PCSK6: variants seen among roughly 807,000 people sequenced by gnomAD.
The protein encoded by PCSK6 is proprotein convertase subtilisin/kexin type 6, also known as paired basic amino acid cleaving enzyme 4.
PCSK6 carries 85 observed loss-of-function variants against 123.3 expected under a neutral mutation model. The ratio of observed to expected loss-of-function variants is 0.69; its 90% CI spans 0.58 to 0.83. The LOEUF (loss-of-function observed/expected upper bound fraction) is 0.83, where lower values mean the gene tolerates loss of function less well. PCSK6 is among the 40% of genes least tolerant of loss of function. The pLI is 0.00. For missense variants in PCSK6, 1,191 were observed against 1,282.3 expected, an observed-to-expected ratio of 0.93 and a Z score of 1.09; for synonymous variants, 508 against 516.0, an observed-to-expected ratio of 0.98 and a Z score of 0.21.
At chr15:101,361,480 G>A (rs888458120) in intron 13 of PCSK6, among the ~76,000 whole-genome samples, 3 of 152,158 alleles carry the variant, frequency 2.0e-5, no homozygotes, top group African/African-American at 7.2e-5. Context: ...CCTCCATGAG[G>A]CCAGGTCTGA....
intron 6 of PCSK6, among the ~76,000 whole-genome samples, chr15:101,422,230 G>A (rs1195019851): frequency 6.6e-6 from 1 of 151,980 alleles, no homozygotes; most frequent in African/African-American, 2.4e-5. Context: ...ATTGAGAGGA[G>A]AAATTTCAGA....
intron 13 of PCSK6, chr15:101,346,333 T>C (rs1208338351): frequency 6.6e-6 from 1 of 152,366 alleles, no homozygotes; most frequent in Non-Finnish European, 1.5e-5. Flanking sequence ...AAATAAATTA[T>C]GGTGCTTCTG....
rs774946990 is a variant in PCSK6 at position 101,307,314 on chromosome 15, T to C, written c.2711A>G (p.Asn904Ser). The change falls in exon 21 of 22, where the codon AAC becomes AGC. Residue 904 changes from asparagine (N) to serine (S), a missense_variant. Asn to Ser is a conservative substitution (Grantham distance 46, BLOSUM62 1). Around this residue, in one of 3 missense-constraint regions of PCSK6, gnomAD observed 630 missense variants for 631.4 expected, o/e 1.00. Coordinates refer to ENST00000611716, the MANE Select transcript of PCSK6 (RefSeq NM_002570.5). ...PHKVCRRCDE[N>S]CLSCAGSSRN... ...GCTGGAGCCTGCACAGCTCAAGCAG[T>C]TCTCGTCACACCTGTGGGAAGATAC... 22 of 1,612,472 alleles carry C rather than the reference T, an allele frequency of 1.4e-5. No homozygotes were observed. The highest frequency in any genetic ancestry group is 8.5e-7 in the Non-Finnish European group (1 of 1,179,152).
At chr15:101,409,037 G>A (rs918566323) in intron 6 of PCSK6, among the ~76,000 whole-genome samples, 2 of 152,174 alleles carry the variant, frequency 1.3e-5, no homozygotes, top group African/African-American at 4.8e-5. Flanking sequence ...GCCGGAGCAG[G>A]GGAGCTTTTC....
At chr15:101,428,595 G>A (rs1269178199) in intron 5 of PCSK6, among the ~76,000 whole-genome samples, 2 of 152,152 alleles carry the variant, frequency 1.3e-5, no homozygotes, top group Admixed American at 6.5e-5. Context: ...AAACAAATGC[G>A]TTTTCCTCAG....
chr15:101,458,992 C>T (rs771677504), intron 1 of PCSK6, among the ~76,000 whole-genome samples: 6 of 152,188 alleles, frequency 3.9e-5, no homozygotes, highest in African/African-American at 1.4e-4. Context: ...CTGTGGTTCA[C>T]GAGCCACGTG....
intron 11 of PCSK6, among the ~76,000 whole-genome samples, chr15:101,370,772 T>C (rs2041560374): frequency 6.6e-6 from 1 of 152,382 alleles, no homozygotes; most frequent in East Asian, 1.9e-4. Context: ...GGCTGGGCAC[T>C]GTGGCTCACG....
At chr15:101,366,649 A>T (rs1188932985) in intron 12 of PCSK6, among the ~76,000 whole-genome samples, 1 of 152,168 alleles carries the variant, frequency 6.6e-6, no homozygotes, top group East Asian at 1.9e-4. Flanking sequence ...AGAAGCCCCC[A>T]GTCCCGACAA....
intron 15 of PCSK6, among the ~76,000 whole-genome samples, chr15:101,330,309 C>T (rs1270817037): frequency 1.3e-5 from 2 of 152,244 alleles, no homozygotes; most frequent in Non-Finnish European, 2.9e-5. Context: ...CCCCCTCGCT[C>T]ACTTCCTCTA....
chr15:101,478,343 C>T (rs892321589), intron 1 of PCSK6, among the ~76,000 whole-genome samples: 9 of 152,080 alleles, frequency 5.9e-5, no homozygotes, highest in African/African-American at 1.9e-4. Context: ...TACTGGAATC[C>T]GAGGACCCAG....
rs1424188177 is a variant in PCSK6 at position 101,398,431 on chromosome 15, C to A, written c.969G>T (p.Lys323Asn). The A allele has an allele frequency of 6.2e-7, 1 of 1,613,018 alleles. No individual in the cohort carries two copies. The highest frequency in any genetic ancestry group is 8.5e-7 in the Non-Finnish European group (1 of 1,179,264). The change falls in exon 7 of 22, where the codon AAG becomes AAT. Residue 323 changes from lysine to asparagine, a missense_variant. Lys to Asn is a moderately conservative substitution (Grantham distance 94). Around this residue, in one of 3 missense-constraint regions of PCSK6, gnomAD observed 357 missense variants for 484.5 expected, o/e 0.74. Coordinates refer to ENST00000611716, the MANE Select transcript of PCSK6 (RefSeq NM_002570.5). This position sits in a 1 kb window ranked among gnomAD's most constrained non-coding sequence, Gnocchi z 4.6. ...KTVDGPGRLA[K>N]QAFEYGIKKG... ...TTTTAATGCCATACTCGAAAGCCTG[C>A]TTAGCCAGTCGGCCGGGCCCGTCCA...
chr15:101,478,370 A>G (rs1022080033), intron 1 of PCSK6, among the ~76,000 whole-genome samples: 2 of 151,844 alleles, frequency 1.3e-5, no homozygotes, highest in Non-Finnish European at 2.9e-5. Context: ...TTCTAAGGAC[A>G]GTCACGTGTG....
chr15:101,304,863 T>G lies in PCSK6; in HGVS notation c.*395A>C. On this transcript the variant is annotated 3_prime_UTR_variant, in exon 22 of 22. Transcript: ENST00000611716. ...GGTTCGCCAGCTGGGCCGGGGAGAT[T>G]TACTACACAGCCGCAGAAAAGCACG... 5.6e-6 allele frequency: 1 copy of G among 178,862 alleles called. No individual in the cohort carries two copies. Among genetic ancestry groups the G allele is most frequent in the East Asian group, 1.5e-4 (1 of 6,480 alleles). The allele number at this position is 178,862 out of a possible 1,614,324, so 11.1% of individuals were successfully genotyped here.
In PCSK6 at chr15:101,370,483, T is replaced by C. The variant is rs1486345870; in HGVS notation, c.1573A>G (p.Thr525Ala). 6.5e-7 allele frequency: 1 copy of C among 1,543,976 alleles called. No homozygotes were observed. The highest frequency in any genetic ancestry group is 8.8e-7 in the Non-Finnish European group (1 of 1,142,508). ...LVQVLRTTAL[T>A]SACAEHSDQR... ...TCCGAGTGCTCCGCGCAGGCGCTGG[T>C]CAGGGCCGTAGTCCGCAGCACCTGC... is the stretch of plus-strand genomic sequence containing the variant. The change falls in exon 12 of 22, where the codon ACC (threonine) becomes GCC (alanine). Residue 525 changes from threonine (T) to alanine (A), a missense_variant. Transcript: ENST00000611716.
chr15:101,402,650 GC>G (rs1402272598), intron 6 of PCSK6, among the ~76,000 whole-genome samples: 2 of 152,204 alleles, frequency 1.3e-5, no homozygotes, highest in Non-Finnish European at 2.9e-5. Flanking sequence ...CATTTATGCA[GC>G]CAAAAGACAC....
At chr15:101,354,139 A>G (rs767662425) in intron 13 of PCSK6, among the ~76,000 whole-genome samples, 1 of 152,154 alleles carries the variant, frequency 6.6e-6, no homozygotes, top group Non-Finnish European at 1.5e-5. Flanking sequence ...GGTCTTGAAA[A>G]GGAAGCATAA....
rs761845648 is a variant in PCSK6, at chr15:101,427,998, A to G, written c.735-18T>C. ...TGCCGTGTCTGAAACAAAGGAAAAAACCAAGTGAGGACGCAGCCCAGCAAG... is the reference window on the plus strand; with the variant it reads ...TGCCGTGTCTGAAACAAAGGAAAAAGCCAAGTGAGGACGCAGCCCAGCAAG... On this transcript the variant is annotated intron_variant, in intron 5 of 21. Coordinates refer to ENST00000611716, the MANE Select transcript of PCSK6 (RefSeq NM_002570.5). 1 of 1,555,706 alleles carries G rather than the reference A, an allele frequency of 6.4e-7. No individual in the cohort carries two copies. Among genetic ancestry groups the G allele is most frequent in the Non-Finnish European group, 8.7e-7 (1 of 1,148,506 alleles).
chr15:101,396,905 A>T (rs902642094), intron 7 of PCSK6, among the ~76,000 whole-genome samples: 2 of 151,892 alleles, frequency 1.3e-5, no homozygotes, highest in African/African-American at 4.8e-5. Flanking sequence ...CTAAACTCGG[A>T]GGGACAGGTG....
intron 6 of PCSK6, among the ~76,000 whole-genome samples, chr15:101,424,583 C>T (rs113927344): frequency 0.092 from 14,045 of 152,060 alleles, 828 homozygotes; most frequent in Non-Finnish European, 0.13. Context: ...AAATCTGAAG[C>T]TAGAAAAAGT....
Sources: gnomAD v4.1 joint callset for allele counts (sites outside exome capture counted in the v4.1 genomes callset) on GRCh38, gnomAD v4.1.1 for gene constraint, gnomAD v4.1.1 regional missense constraint, Gnocchi (gnomAD v3.1) non-coding constraint, MANE v1.5 for transcripts, NCBI Gene and HGNC (gene_info 2026-07-23, HGNC 2026-07-21) for gene names.